The following CREB5 variants were observed in gnomAD, a reference collection of about 807,000 sequenced individuals.
CREB5 encodes the protein cyclic AMP-responsive element-binding protein 5.
A neutral mutation model predicts 57.1 loss-of-function variants in CREB5; 19 were observed. That is an observed-to-expected ratio of 0.33 (90% confidence interval 0.23 to 0.49). CREB5 has a LOEUF of 0.49. CREB5 is among the 20% of genes least tolerant of loss of function. CREB5 has a pLI of 0.99. For missense variants in CREB5, 579 were observed against 671.6 expected (o/e 0.86, Z 1.52); for synonymous variants, 238 against 238.3 (o/e 1.00, Z 0.01).
chr7:28,674,115 T>C (rs1034655810), intron 5 of CREB5, among the ~76,000 whole-genome samples: 5 of 152,204 alleles, frequency 3.3e-5, no homozygotes, highest in Admixed American at 1.3e-4. Context: ...ACGCAGATTT[T>C]TTTTTTAAGT....
chr7:28,710,906 G>A (rs575156399), intron 5 of CREB5, among the ~76,000 whole-genome samples: 1 of 152,292 alleles, frequency 6.6e-6, no homozygotes, highest in African/African-American at 2.4e-5. Flanking sequence ...AGGGTATACT[G>A]AGAGCACTCG....
At position 28,560,981 on chromosome 7, in the gene CREB5, CGTGCGTGTGTGTGCCTGCGT is replaced by C. The variant is rs1462029013; in HGVS notation, c.292-9370_292-9351del. 1.8e-4 allele frequency among the ~76,000 whole-genome samples: 4 copies of C among 22,434 alleles called. 1 individual carries two copies. Among genetic ancestry groups the C allele is most frequent in the Admixed American group, 1.1e-3 (2 of 1,878 alleles). 14.7% of individuals were successfully genotyped at this position (22,434 alleles called of 152,430 possible). On this transcript the variant is annotated intron_variant, in intron 4 of 10. Coordinates refer to ENST00000357727, the MANE Select transcript of CREB5 (RefSeq NM_182898.4). The stretch of plus-strand genomic sequence containing the variant: ...GTGTGCGTGTGTGTGTGCGTGTGTG[CGTGCGTGTGTGTGCCTGCGT>C]GTGCGTGTGTGTGTGCGTGTGTGCG...
At chr7:28,774,558 T>G (rs563424408) in intron 7 of CREB5, among the ~76,000 whole-genome samples, 1 of 152,336 alleles carries the variant, frequency 6.6e-6, no homozygotes, top group South Asian at 2.1e-4. Flanking sequence ...TTATTTTCCC[T>G]TTAGGTATAA....
At chr7:28,483,460 T>G (rs921459387) in intron 1 of CREB5, among the ~76,000 whole-genome samples, 4 of 152,210 alleles carry the variant, frequency 2.6e-5, no homozygotes, top group Non-Finnish European at 4.4e-5. Context: ...TTATCAGAGT[T>G]TTTTTGTTAT....
intron 5 of CREB5, among the ~76,000 whole-genome samples, chr7:28,596,168 T>C (rs1355426908): frequency 6.6e-6 from 1 of 152,216 alleles, no homozygotes; most frequent in Non-Finnish European, 1.5e-5. Context: ...GAAGCAGCTC[T>C]GTAGAATGAG....
chr7:28,554,265 C>T (rs558166066), intron 4 of CREB5, among the ~76,000 whole-genome samples: 1 of 152,298 alleles, frequency 6.6e-6, no homozygotes, highest in African/African-American at 2.4e-5. Context: ...ATCTCTTTGG[C>T]CTCCACCTTC....
intron 5 of CREB5, among the ~76,000 whole-genome samples, chr7:28,649,792 GAATA>G (rs1799053660): frequency 1.3e-5 from 2 of 152,128 alleles, no homozygotes; most frequent in South Asian, 2.1e-4. Context: ...ATGGATGAAT[GAATA>G]AATAAATTAT....
intron 5 of CREB5, among the ~76,000 whole-genome samples, chr7:28,650,650 A>G (rs935084205): frequency 2.0e-5 from 3 of 152,202 alleles, no homozygotes; most frequent in Non-Finnish European, 4.4e-5. Flanking sequence ...AAATCATCAT[A>G]AGGTTATTTT....
chr7:28,770,809 T>C (rs1214669315), intron 7 of CREB5, among the ~76,000 whole-genome samples: 1 of 152,186 alleles, frequency 6.6e-6, no homozygotes, highest in Non-Finnish European at 1.5e-5. Flanking sequence ...GAGAAGATGG[T>C]CAAAGGGTAC....
At chr7:28,605,454 A>G (rs779311772) in intron 5 of CREB5, among the ~76,000 whole-genome samples, 27 of 152,192 alleles carry the variant, frequency 1.8e-4, no homozygotes, top group Non-Finnish European at 3.5e-4. Flanking sequence ...GACTGTGTGG[A>G]AAAGAGTATC....
chr7:28,680,043 G>T (rs1800511638), intron 5 of CREB5, among the ~76,000 whole-genome samples: 2 of 152,104 alleles, frequency 1.3e-5, no homozygotes, highest in South Asian at 4.1e-4. Flanking sequence ...AACGAGGCTG[G>T]GACTAAGGGG....
At chr7:28,759,513 A>G (rs1452400793) in intron 7 of CREB5, among the ~76,000 whole-genome samples, 1 of 152,238 alleles carries the variant, frequency 6.6e-6, no homozygotes, top group African/African-American at 2.4e-5. Flanking sequence ...CAGAAATTAT[A>G]GATGCACAAT....
chr7:28,638,907 G>T (rs1217095986), intron 5 of CREB5, among the ~76,000 whole-genome samples: 1 of 152,130 alleles, frequency 6.6e-6, no homozygotes, highest in Non-Finnish European at 1.5e-5. Flanking sequence ...CCAAATCCCA[G>T]AGAGGTGAAA....
intron 5 of CREB5, among the ~76,000 whole-genome samples, chr7:28,661,008 C>G (rs892934370): frequency 6.6e-6 from 1 of 151,726 alleles, no homozygotes; most frequent in African/African-American, 2.4e-5. Context: ...AATTTCAACA[C>G]TCATTCACCG....
chr7:28,461,000 G>T (rs1275849947), intron 1 of CREB5, among the ~76,000 whole-genome samples: 1 of 152,022 alleles, frequency 6.6e-6, no homozygotes, highest in Non-Finnish European at 1.5e-5. Flanking sequence ...ACCAGCCTGG[G>T]CAACACAGTG....
intron 7 of CREB5, among the ~76,000 whole-genome samples, chr7:28,739,323 G>C (rs1166965137): frequency 6.6e-6 from 1 of 152,208 alleles, no homozygotes; most frequent in Non-Finnish European, 1.5e-5. Context: ...GGCCCACATA[G>C]ATAAGGAACA....
At chr7:28,792,327 G>C (rs185047752) in intron 7 of CREB5, among the ~76,000 whole-genome samples, 37 of 150,720 alleles carry the variant, frequency 2.5e-4, no homozygotes, top group South Asian at 1.7e-3. Flanking sequence ...CAAATAATAA[G>C]TGTCATATCA....
chr7:28,707,496 C>T (rs1802177670), intron 5 of CREB5, among the ~76,000 whole-genome samples: 1 of 152,140 alleles, frequency 6.6e-6, no homozygotes, highest in Admixed American at 6.5e-5. Context: ...ACAAGGCTAC[C>T]TTATTGGATT....
At chr7:28,371,526 T>C (rs531992065) in intron 1 of CREB5, among the ~76,000 whole-genome samples, 27 of 147,794 alleles carry the variant, frequency 1.8e-4, no homozygotes, top group South Asian at 6.5e-4. Flanking sequence ...TCAGGGAAAA[T>C]TGGGAGGTGG....
Sources: allele counts gnomAD v4.1 joint callset (sites outside exome capture counted in the v4.1 genomes callset), GRCh38; gene constraint gnomAD v4.1.1; transcripts MANE v1.5; gene names NCBI Gene and HGNC (gene_info 2026-07-23, HGNC 2026-07-21).